The following DHCR24 variants were observed in gnomAD, a reference collection of about 807,000 sequenced individuals.
DHCR24 encodes 24-dehydrocholesterol reductase.
Under a neutral mutation model 61.2 loss-of-function variants are expected in DHCR24, and 28 were observed. The observed-to-expected ratio is 0.46, with a 90% CI of 0.34 to 0.63. The LOEUF (loss-of-function observed/expected upper bound fraction) is 0.63, where lower values mean the gene tolerates loss of function less well. DHCR24 is among the 20% of genes least tolerant of loss of function. DHCR24 has a pLI of 0.01. For missense variants in DHCR24, 538 were observed against 679.1 expected (o/e 0.79, Z 2.31); for synonymous variants, 261 against 275.9 (o/e 0.95, Z 0.54).
At chr1:54,882,428 T>A (rs1193567955) in intron 2 of DHCR24, among the ~76,000 whole-genome samples, 3 of 152,118 alleles carry the variant, frequency 2.0e-5, no homozygotes, top group South Asian at 2.1e-4. Context: ...GGAAAAAAAA[T>A]TTGGCACTTC....
chr1:54,867,525 AG>A (rs1165711974), intron 5 of DHCR24, among the ~76,000 whole-genome samples: 1 of 152,050 alleles, frequency 6.6e-6, no homozygotes, highest in Non-Finnish European at 1.5e-5. Flanking sequence ...TAAGGGAATC[AG>A]ATCAGGTCTC....
intron 4 of DHCR24, 55 bp from the exon 5 acceptor site, chr1:54,871,668 C>T: frequency 1.9e-6 from 3 of 1,612,748 alleles, no homozygotes; most frequent in Non-Finnish European, 2.5e-6. Flanking sequence ...CACATTGTGG[C>T]ATGCAGTCAG....
At chr1:54,860,782 G>A (rs1311139046) in intron 6 of DHCR24, among the ~76,000 whole-genome samples, 3 of 152,010 alleles carry the variant, frequency 2.0e-5, no homozygotes, top group South Asian at 2.1e-4. Flanking sequence ...TCAGGAGATC[G>A]AGACCATCCT....
chr1:54,863,692 T>G (rs954942739), intron 6 of DHCR24, among the ~76,000 whole-genome samples: 1 of 152,122 alleles, frequency 6.6e-6, no homozygotes, highest in Non-Finnish European at 1.5e-5. Context: ...AAAGGGAAAA[T>G]AGATAAATTG....
chr1:54,871,454 C>A lies in DHCR24; in HGVS notation c.772G>T (p.Glu258Ter). 1 of 1,614,192 alleles carries A rather than the reference C, an allele frequency of 6.2e-7. No individual in the cohort carries two copies. Among genetic ancestry groups the A allele is most frequent in the Non-Finnish European group, 8.5e-7 (1 of 1,180,026 alleles). Residue 258 changes from glutamate to a stop codon, truncating the protein, a stop_gained, in exon 5 of 9, where the codon GAG (glutamate) becomes TAG (stop). Coordinates refer to ENST00000371269, the MANE Select transcript of DHCR24 (RefSeq NM_014762.4). LOFTEE classifies it high-confidence loss of function. ...LEAICAKFTH[E>*]SQRQENHFVE... ...AAGTGGTTCTCCTGCCGCTGGGACT[C>A]GTGGGTGAACTTGGCACAGATAGCC...
At chr1:54,862,298 G>A (rs955676537) in intron 6 of DHCR24, among the ~76,000 whole-genome samples, 2 of 152,124 alleles carry the variant, frequency 1.3e-5, no homozygotes, top group African/African-American at 2.4e-5. Flanking sequence ...TTTTCACTGT[G>A]TCCACCGCCT....
rs72901580 is a variant in DHCR24 at position 54,854,301 on chromosome 1, G to A, written c.1021-67C>T. On this transcript the variant is annotated intron_variant, in intron 6 of 8. Coordinates refer to ENST00000371269, the MANE Select transcript of DHCR24 (RefSeq NM_014762.4). ...AGGGTTGAATGTCTCCAAGTGCAAGGGGCCAGGGGCCAGGTCCCATTCTGT... is the reference window on the plus strand; with the variant it reads ...AGGGTTGAATGTCTCCAAGTGCAAGAGGCCAGGGGCCAGGTCCCATTCTGT... 2,172 of 1,369,418 alleles carry A rather than the reference G, an allele frequency of 1.6e-3. 24 individuals are homozygous for A. The African/African-American group carries it at 0.017, about 11-fold the overall frequency. The allele number at this position is 1,369,418 out of a possible 1,614,324, so 84.8% of individuals were successfully genotyped here. A position where few individuals can be genotyped will look rare whatever the true frequency, so the allele number is the denominator to read the frequency against.
In DHCR24 at chr1:54,850,109, T is replaced by C. The variant is rs1557803709; in HGVS notation, c.*2124A>G. On this transcript the variant is annotated 3_prime_UTR_variant, in exon 9 of 9. Transcript: ENST00000371269. The stretch of plus-strand genomic sequence containing the variant: ...CAGGCAAGATTTTACTGGAGCAACA[T>C]AACCGGAGGGTGTGATTCCAAAATA... 1 of 152,238 alleles carries C rather than the reference T, an allele frequency of 6.6e-6. No individual in the cohort carries two copies. Among genetic ancestry groups the C allele is most frequent in the Non-Finnish European group, 1.5e-5 (1 of 68,058 alleles). The allele number at this position is 152,238 out of a possible 1,614,324, so 9.4% of individuals were successfully genotyped here.
Position 54,884,480 on chromosome 1 carries a change from C to G in DHCR24, c.232-707G>C, listed in dbSNP as rs1647082018. Among the ~76,000 whole-genome samples the G allele has an allele frequency of 2.0e-5, 3 of 152,170 alleles. No individual in the cohort carries two copies. In the South Asian group the frequency reaches 6.2e-4, roughly 32 times the overall value. Reference sequence around the variant, plus strand: ...GGAAGGAAGAGGTTTTACAAAACCTCTAAGGTAAGTGACCAGAGCACAAAA... The same window carrying G: ...GGAAGGAAGAGGTTTTACAAAACCTGTAAGGTAAGTGACCAGAGCACAAAA... On this transcript the variant is annotated intron_variant, in intron 1 of 8. Transcript: ENST00000371269.
At chr1:54,869,125 A>G (rs547996290) in intron 5 of DHCR24, among the ~76,000 whole-genome samples, 2 of 149,180 alleles carry the variant, frequency 1.3e-5, no homozygotes, top group East Asian at 3.9e-4. Context: ...ACTGCTGAAG[A>G]CAAACAAACT....
chr1:54,871,947 T>C (rs1376902736), intron 4 of DHCR24, among the ~76,000 whole-genome samples: 1 of 152,136 alleles, frequency 6.6e-6, no homozygotes. Flanking sequence ...GCAGGGGCAT[T>C]GCACAAGGGC....
rs534125512 is a variant in DHCR24, at chr1:54,854,061, C to T, written c.1194G>A (p.Leu398=). The change falls in exon 7 of 9, where the codon CTG becomes CTA. Residue 398 remains leucine (L), a synonymous_variant. Coordinates refer to ENST00000371269, the MANE Select transcript of DHCR24 (RefSeq NM_014762.4). ...CGTGGATGTCGTTTTGGAAGGTGTGCAGGGCCTGCTGCAGGCACTTCATGG... is the reference window on the plus strand; with the variant it reads ...CGTGGATGTCGTTTTGGAAGGTGTGTAGGGCCTGCTGCAGGCACTTCATGG... ...LVPMKCLQQA[L]HTFQNDIHVY... 1 of 1,613,456 alleles carries T rather than the reference C, an allele frequency of 6.2e-7. No individual in the cohort carries two copies. The highest frequency in any genetic ancestry group is 1.3e-5 in the African/African-American group (1 of 75,034).
At chr1:54,855,490 C>G (rs1447793093) in intron 6 of DHCR24, among the ~76,000 whole-genome samples, 1 of 152,000 alleles carries the variant, frequency 6.6e-6, no homozygotes, top group African/African-American at 2.4e-5. Context: ...GACATGGTCT[C>G]TGTCCTTAAG....
intron 5 of DHCR24, among the ~76,000 whole-genome samples, chr1:54,866,648 A>T (rs1036240630): frequency 6.9e-6 from 1 of 145,894 alleles, no homozygotes; most frequent in African/African-American, 2.4e-5. Flanking sequence ...GTCCCCACCC[A>T]TTCCCTTGTT....
intron 5 of DHCR24, among the ~76,000 whole-genome samples, chr1:54,869,832 G>C (rs1487176715): frequency 6.6e-6 from 1 of 152,172 alleles, no homozygotes; most frequent in African/African-American, 2.4e-5. Context: ...AAGGCAGGCA[G>C]ATCACCTGAG....
chr1:54,856,770 T>C (rs1415084872), intron 6 of DHCR24, among the ~76,000 whole-genome samples: 1 of 152,248 alleles, frequency 6.6e-6, no homozygotes, highest in East Asian at 1.9e-4. Context: ...GAAAGATAAA[T>C]TCCTAGAAGT....
At chr1:54,862,579 G>C (rs868489642) in intron 6 of DHCR24, among the ~76,000 whole-genome samples, 1 of 152,068 alleles carries the variant, frequency 6.6e-6, no homozygotes, top group Non-Finnish European at 1.5e-5. Flanking sequence ...AGGTGTCCCA[G>C]GGTCTTCTCT....
chr1:54,886,303 C>T (rs1647095772), intron 1 of DHCR24, among the ~76,000 whole-genome samples: 1 of 152,196 alleles, frequency 6.6e-6, no homozygotes, highest in Non-Finnish European at 1.5e-5. Context: ...TTCTTCCCTC[C>T]CGCTTCTGGG....
At chr1:54,853,932 A>G (rs1037168085) in intron 7 of DHCR24, 105 bp downstream of exon 7, 1 of 1,188,412 alleles carries the variant, frequency 8.4e-7, no homozygotes, top group Admixed American at 2.0e-5. Flanking sequence ...TTGGGAAAAC[A>G]CCCAGAGGGC....
Sources: allele counts gnomAD v4.1 joint callset (sites outside exome capture counted in the v4.1 genomes callset), GRCh38; gene constraint gnomAD v4.1.1; transcripts MANE v1.5; gene names NCBI Gene and HGNC (gene_info 2026-07-23, HGNC 2026-07-21).